CRYL1: variants seen among roughly 807,000 people sequenced by gnomAD.
The protein encoded by CRYL1 is lambda-crystallin homolog.
A neutral mutation model predicts 36.6 loss-of-function variants in CRYL1; 29 were observed. The observed-to-expected ratio is 0.79, with a 90% confidence interval of 0.59 to 1.08. CRYL1 has a LOEUF of 1.08. CRYL1 is among the 50% of genes least tolerant of loss of function. The pLI is 0.00. For synonymous variants in CRYL1, 152 were observed against 151.5 expected, an observed-to-expected ratio of 1.00 and a Z score of -0.02; for missense variants, 411 against 407.9, an observed-to-expected ratio of 1.01 and a Z score of -0.06.
intron 2 of CRYL1, among the ~76,000 whole-genome samples, chr13:20,499,800 TA>T (rs1272679218): frequency 1.3e-5 from 2 of 152,236 alleles, no homozygotes; most frequent in Non-Finnish European, 2.9e-5. Flanking sequence ...TTGTCAGTAA[TA>T]ATTATGATTT....
At chr13:20,440,607 C>T (rs941398901) in intron 3 of CRYL1, among the ~76,000 whole-genome samples, 1 of 152,204 alleles carries the variant, frequency 6.6e-6, no homozygotes, top group Admixed American at 6.5e-5. Flanking sequence ...TTAAAAACAT[C>T]GGTAGCTATC....
chr13:20,490,827 T>C lies in CRYL1; in HGVS notation c.150-1331A>G, dbSNP rs185901032. 3.0e-3 allele frequency among the ~76,000 whole-genome samples: 462 copies of C among 152,334 alleles called. 1 individual carries two copies. The highest frequency in any genetic ancestry group is 4.9e-3 in the Non-Finnish European group (334 of 68,036). ...TGCTCAGAAGGGCCTGTGCTGGGTT[T>C]ACTGCTCTGCTGTTAGCTTCTTAAA... On this transcript the variant is annotated intron_variant, in intron 2 of 7. Transcript: ENST00000298248.
At chr13:20,417,310 T>A (rs1384106525) in intron 5 of CRYL1, among the ~76,000 whole-genome samples, 1 of 152,216 alleles carries the variant, frequency 6.6e-6, no homozygotes, top group Non-Finnish European at 1.5e-5. Flanking sequence ...TCATTTGTCA[T>A]TGATAAATAA....
chr13:20,480,210 G>A (rs558371391), intron 3 of CRYL1, among the ~76,000 whole-genome samples: 68 of 152,218 alleles, frequency 4.5e-4, no homozygotes, highest in African/African-American at 9.9e-4. Flanking sequence ...GTGAAACCCT[G>A]TCTCTACTAA....
Position 20,445,535 on chromosome 13 carries a change from C to T in CRYL1, c.277-5781G>A, listed in dbSNP as rs117666510. Among the ~76,000 whole-genome samples the T allele has an allele frequency of 2.7e-3, 411 of 152,292 alleles. 1 individual carries two copies. Among genetic ancestry groups the T allele is most frequent in the Non-Finnish European group, 4.3e-3 (293 of 68,020 alleles). ...GCCTACCTGCCTTCTAGTGAAGCTT[C>T]TCTGGAGCATGATAATATCAACCAG... is the stretch of plus-strand genomic sequence containing the variant. On this transcript the variant is annotated intron_variant, in intron 3 of 7. Coordinates refer to ENST00000298248, the MANE Select transcript of CRYL1 (RefSeq NM_015974.3).
chr13:20,409,672 A>C (rs2031469572), intron 6 of CRYL1, among the ~76,000 whole-genome samples: 1 of 152,114 alleles, frequency 6.6e-6, no homozygotes. Context: ...CAATGAACTC[A>C]AACAAATTTA....
chr13:20,463,516 T>C (rs913091194), intron 3 of CRYL1, among the ~76,000 whole-genome samples: 2 of 152,176 alleles, frequency 1.3e-5, no homozygotes, highest in Non-Finnish European at 2.9e-5. Context: ...CATCCTCCAA[T>C]AGACTGGAGA....
At chr13:20,484,958 G>C (rs957405516) in intron 3 of CRYL1, among the ~76,000 whole-genome samples, 2 of 152,070 alleles carry the variant, frequency 1.3e-5, no homozygotes, top group Admixed American at 1.3e-4. Flanking sequence ...TTCACTCTGG[G>C]GGTTTCATTT....
At chr13:20,498,587 AT>A (rs1407374225) in intron 2 of CRYL1, among the ~76,000 whole-genome samples, 1 of 152,254 alleles carries the variant, frequency 6.6e-6, no homozygotes, top group East Asian at 1.9e-4. Flanking sequence ...GATTAGATTT[AT>A]TTATAATGTT....
At position 20,442,122 on chromosome 13, in the gene CRYL1, G is replaced by C. The variant is rs374114936; in HGVS notation, c.277-2368C>G. Among the ~76,000 whole-genome samples, 27 of 152,328 alleles carry C rather than the reference G, an allele frequency of 1.8e-4. No homozygotes were observed. In the South Asian group the frequency reaches 5.0e-3, roughly 28 times the overall value. On this transcript the variant is annotated intron_variant, in intron 3 of 7. Coordinates refer to ENST00000298248, the MANE Select transcript of CRYL1 (RefSeq NM_015974.3). ...AGAGACGAAGAATGATGCAGATCCT[G>C]TGTAAGCTAATAAAAGAGTCTCCAT... is the stretch of plus-strand genomic sequence containing the variant.
intron 3 of CRYL1, among the ~76,000 whole-genome samples, chr13:20,441,597 A>G (rs1047435690): frequency 7.2e-5 from 11 of 152,246 alleles, no homozygotes; most frequent in Admixed American, 6.5e-4. Flanking sequence ...TAGGTCATGA[A>G]TACAGTATAA....
chr13:20,524,383 C>CT (rs931521284), intron 1 of CRYL1, among the ~76,000 whole-genome samples: 290 of 148,120 alleles, frequency 2.0e-3, no homozygotes, highest in African/African-American at 4.9e-3. Context: ...ACAAAGTGCA[C>CT]TTTTTTTTTT....
intron 3 of CRYL1, among the ~76,000 whole-genome samples, chr13:20,471,157 AAG>A (rs2033050947): frequency 6.6e-6 from 1 of 152,172 alleles, no homozygotes; most frequent in Non-Finnish European, 1.5e-5. Context: ...ATTCACGTGA[AAG>A]AGTATGACGT....
chr13:20,510,776 A>T (rs562923480), intron 2 of CRYL1, among the ~76,000 whole-genome samples: 1 of 152,028 alleles, frequency 6.6e-6, no homozygotes, highest in South Asian at 2.1e-4. Flanking sequence ...CCATGCCCAG[A>T]TAATTTTTTT....
intron 1 of CRYL1, among the ~76,000 whole-genome samples, chr13:20,522,911 C>CTTT (rs386378385): frequency 0.059 from 4,907 of 82,774 alleles, 866 homozygotes; most frequent in African/African-American, 0.14. Context: ...CCCATTTCTA[C>CTTT]TTTTTTTTTT....
intron 3 of CRYL1, among the ~76,000 whole-genome samples, chr13:20,477,555 C>T (rs9578290): frequency 0.097 from 14,437 of 149,552 alleles, 1,983 homozygotes; most frequent in African/African-American, 0.31. Context: ...ATAAAATGGG[C>T]GGCACAGGAC....
intron 3 of CRYL1, among the ~76,000 whole-genome samples, chr13:20,453,654 A>G (rs936562035): frequency 1.3e-5 from 2 of 152,124 alleles, no homozygotes; most frequent in Non-Finnish European, 2.9e-5. Flanking sequence ...ATAAAAGTAA[A>G]AGCAGAAATC....
In CRYL1 at chr13:20,439,514, C is replaced by CAAAAAAAAAAAAAAAAAAAAAAA. The variant is rs56087130; in HGVS notation, c.438+78_438+79insTTTTTTTTTTTTTTTTTTTTTTT. 123 of 331,824 alleles carry CAAAAAAAAAAAAAAAAAAAAAAA rather than the reference C, an allele frequency of 3.7e-4. 4 individuals carry two copies. Among genetic ancestry groups the CAAAAAAAAAAAAAAAAAAAAAAA allele is most frequent in the East Asian group, 1.1e-3 (13 of 11,860 alleles). 20.6% of individuals were successfully genotyped at this position (331,824 alleles called of 1,614,324 possible). A position where few individuals can be genotyped will look rare whatever the true frequency, so the allele number is the denominator to read the frequency against. On this transcript the variant is annotated intron_variant, in intron 4 of 7. Transcript: ENST00000298248. ...ACAAGTTATTGACCCCCCTCCCCCG[C>CAAAAAAAAAAAAAAAAAAAAAAA]AAAAAAAAAAAAAAAAGAAAAAAAA...
intron 3 of CRYL1, among the ~76,000 whole-genome samples, chr13:20,444,075 A>G (rs1319318193): frequency 6.6e-6 from 1 of 152,210 alleles, no homozygotes; most frequent in Non-Finnish European, 1.5e-5. Context: ...TCAGATTAAT[A>G]GACTGCTGTG....
Sources: gnomAD v4.1 joint callset for allele counts (sites outside exome capture counted in the v4.1 genomes callset) on GRCh38, gnomAD v4.1.1 for gene constraint, MANE v1.5 for transcripts, NCBI Gene and HGNC (gene_info 2026-07-23, HGNC 2026-07-21) for gene names.